Variants in AKT3 observed in about 807,000 individuals in gnomAD.
AKT3 encodes the protein RAC-gamma serine/threonine-protein kinase.
A neutral mutation model predicts 65.3 loss-of-function variants in AKT3; 15 were observed. The observed-to-expected ratio is 0.23, with a 90% confidence interval of 0.15 to 0.35. The LOEUF (loss-of-function observed/expected upper bound fraction) is 0.35, where lower values mean the gene tolerates loss of function less well. Among genes scored for constraint, AKT3 ranks in the 10% least tolerant of loss-of-function variants. The pLI is 1.00. For synonymous variants in AKT3, 206 were observed against 183.8 expected, an observed-to-expected ratio of 1.12 and a Z score of -0.98; for missense variants, 243 against 576.5, an observed-to-expected ratio of 0.42 and a Z score of 5.92.
intron 2 of AKT3, among the ~76,000 whole-genome samples, chr1:243,810,292 G>C (rs1426598459): frequency 6.9e-6 from 1 of 144,578 alleles, no homozygotes; most frequent in Non-Finnish European, 1.5e-5. Context: ...GACTAATAAA[G>C]AAGAAAAGAG....
chr1:243,650,542 C>G (rs996734869), intron 4 of AKT3, among the ~76,000 whole-genome samples: 8 of 152,108 alleles, frequency 5.3e-5, no homozygotes, highest in African/African-American at 1.9e-4. Flanking sequence ...GGTTTTAGGT[C>G]TTACATTTAA....
At chr1:243,791,673 C>T (rs1355422060) in intron 2 of AKT3, among the ~76,000 whole-genome samples, 1 of 152,148 alleles carries the variant, frequency 6.6e-6, no homozygotes, top group East Asian at 1.9e-4. Flanking sequence ...CCCTCGTCAA[C>T]AATTCAGGCA....
At chr1:243,611,879 G>A (rs1677897409) in intron 8 of AKT3, among the ~76,000 whole-genome samples, 1 of 152,022 alleles carries the variant, frequency 6.6e-6, no homozygotes, top group Non-Finnish European at 1.5e-5. Flanking sequence ...AATTCCCTGG[G>A]TGAAATCTCA....
At chr1:243,850,769 G>A (rs547728099), upstream of AKT3, among the ~76,000 whole-genome samples, 31 of 150,568 alleles carry the variant, frequency 2.1e-4, no homozygotes, top group African/African-American at 7.5e-4. Context: ...AACCAGCGGT[G>A]CCCCGCGCCC....
chr1:243,602,028 A>G (rs1010024763), intron 8 of AKT3, among the ~76,000 whole-genome samples: 6 of 152,232 alleles, frequency 3.9e-5, no homozygotes, highest in African/African-American at 7.2e-5. Context: ...GAAAGGAATC[A>G]TGTAAATACC....
At chr1:243,725,291 C>T (rs1687143827) in intron 2 of AKT3, among the ~76,000 whole-genome samples, 1 of 151,960 alleles carries the variant, frequency 6.6e-6, no homozygotes, top group Non-Finnish European at 1.5e-5. Flanking sequence ...GAAGAGTTTA[C>T]TTTCAAATGG....
intron 2 of AKT3, among the ~76,000 whole-genome samples, chr1:243,769,637 T>C (rs1348157214): frequency 6.6e-6 from 1 of 152,178 alleles, no homozygotes; most frequent in Non-Finnish European, 1.5e-5. Flanking sequence ...CTTAATTGGG[T>C]TGTCTTTTCA....
intron 2 of AKT3, among the ~76,000 whole-genome samples, chr1:243,731,808 A>G (rs1572244980): frequency 1.3e-5 from 2 of 152,302 alleles, no homozygotes; most frequent in East Asian, 3.9e-4. Flanking sequence ...TAACCCTCAG[A>G]ATCTTCATTT....
At position 243,808,693 on chromosome 1, in the gene AKT3, C is replaced by T. The variant is rs185345124; in HGVS notation, c.46+34432G>A. On this transcript the variant is annotated intron_variant, in intron 2 of 13. Coordinates refer to ENST00000673466, the MANE Select transcript of AKT3 (RefSeq NM_005465.7). ...AAATACAGAAAACGCCACAAAGATA[C>T]TCCTCAAGAAGAGCAACTCCAAGAC... Among the ~76,000 whole-genome samples the T allele has an allele frequency of 4.7e-3, 710 of 152,236 alleles. 4 individuals are homozygous for T. Among genetic ancestry groups the T allele is most frequent in the African/African-American group, 0.016 (685 of 41,516 alleles).
chr1:243,715,170 T>C (rs1040175824), intron 2 of AKT3, among the ~76,000 whole-genome samples: 1 of 152,044 alleles, frequency 6.6e-6, no homozygotes, highest in Non-Finnish European at 1.5e-5. Flanking sequence ...AGAAAGACTG[T>C]GACTCCACCC....
chr1:243,744,059 T>C (rs1309225396), intron 2 of AKT3, among the ~76,000 whole-genome samples: 1 of 152,128 alleles, frequency 6.6e-6, no homozygotes, highest in Non-Finnish European at 1.5e-5. Context: ...ACAGCCAAAA[T>C]GTAAAAACAA....
At chr1:243,627,526 G>C (rs1002556042) in intron 6 of AKT3, among the ~76,000 whole-genome samples, 1 of 152,166 alleles carries the variant, frequency 6.6e-6, no homozygotes, top group Non-Finnish European at 1.5e-5. Flanking sequence ...ATTCTGACTT[G>C]ATACAGGTCC....
At chr1:243,583,639 TA>T (rs1393064623) in intron 8 of AKT3, among the ~76,000 whole-genome samples, 2 of 143,444 alleles carry the variant, frequency 1.4e-5, no homozygotes, top group African/African-American at 2.6e-5. Context: ...CACAGTGGAA[TA>T]AAAACAGAAA....
chr1:243,578,007 T>C (rs1171763051), intron 8 of AKT3, among the ~76,000 whole-genome samples: 5 of 152,164 alleles, frequency 3.3e-5, no homozygotes, highest in Admixed American at 2.6e-4. Flanking sequence ...CTAGTCAGAA[T>C]AGTGATTATT....
intron 2 of AKT3, among the ~76,000 whole-genome samples, chr1:243,731,352 A>T (rs1401642017): frequency 6.6e-6 from 1 of 152,218 alleles, no homozygotes; most frequent in African/African-American, 2.4e-5. Flanking sequence ...AAGAATTTAG[A>T]AAACACTTGC....
At chr1:243,642,897 C>T (rs919794209) in intron 5 of AKT3, among the ~76,000 whole-genome samples, 1 of 152,076 alleles carries the variant, frequency 6.6e-6, no homozygotes, top group African/African-American at 2.4e-5. Flanking sequence ...TCCAAGAATA[C>T]CACAGTATTA....
intron 13 of AKT3, among the ~76,000 whole-genome samples, chr1:243,509,654 C>T (rs140944116): frequency 6.6e-6 from 1 of 152,144 alleles, no homozygotes; most frequent in African/African-American, 2.4e-5. Flanking sequence ...CAGGTGCTTG[C>T]TGCGTTGGGC....
intron 9 of AKT3, among the ~76,000 whole-genome samples, chr1:243,564,725 G>A (rs1267874682): frequency 1.3e-5 from 2 of 152,150 alleles, no homozygotes; most frequent in Non-Finnish European, 2.9e-5. Context: ...TATGTATTCA[G>A]GGCCCATAAA....
chr1:243,518,715 C>T (rs1257910931), intron 12 of AKT3, among the ~76,000 whole-genome samples: 1 of 152,120 alleles, frequency 6.6e-6, no homozygotes, highest in African/African-American at 2.4e-5. Context: ...TTACAAATTT[C>T]TAGAATATAT....
Sources: gnomAD v4.1 joint callset for allele counts (sites outside exome capture counted in the v4.1 genomes callset) on GRCh38, gnomAD v4.1.1 for gene constraint, MANE v1.5 for transcripts, NCBI Gene and HGNC (gene_info 2026-07-23, HGNC 2026-07-21) for gene names.